The following CA10 variants were observed in gnomAD, a reference collection of about 807,000 sequenced individuals.
CA10 encodes the protein carbonic anhydrase-related protein 10.
CA10 carries 14 observed loss-of-function variants against 44.2 expected under a neutral mutation model. The observed-to-expected ratio is 0.32, with a 90% CI of 0.21 to 0.50. The LOEUF (loss-of-function observed/expected upper bound fraction) is 0.50. Ranked by LOEUF, CA10 falls within the 20% of genes least tolerant of loss-of-function variation. The pLI, the probability that CA10 is intolerant of heterozygous loss-of-function variation, is 0.99. For synonymous variants in CA10, 159 were observed against 141.6 expected (o/e 1.12, Z -0.87); for missense variants, 350 against 409.7 (o/e 0.85, Z 1.26).
chr17:51,676,049 A>G (rs1914618340), intron 4 of CA10, among the ~76,000 whole-genome samples: 2 of 152,228 alleles, frequency 1.3e-5, no homozygotes, highest in South Asian at 4.1e-4. Flanking sequence ...CTTGGCACAA[A>G]TAAGATTGGC....
chr17:51,717,814 T>TATATATACGTGTATACATATATACAC (rs1567815569), intron 4 of CA10, among the ~76,000 whole-genome samples: 5 of 44,096 alleles, frequency 1.1e-4, no homozygotes, highest in African/African-American at 4.0e-4. Flanking sequence ...TATATACACG[T>TATATATACGTGTATACATATATACAC]ATATATATGT....
chr17:51,976,202 C>G (rs532297254), intron 2 of CA10, among the ~76,000 whole-genome samples: 1 of 152,088 alleles, frequency 6.6e-6, no homozygotes, highest in East Asian at 1.9e-4. Flanking sequence ...TGTTCACAAT[C>G]GTAGTTAAAA....
chr17:51,756,999 T>C (rs1373730353), intron 3 of CA10, among the ~76,000 whole-genome samples: 3 of 152,140 alleles, frequency 2.0e-5, no homozygotes, highest in African/African-American at 4.8e-5. Context: ...GCCCAAAATG[T>C]TGGGAGGCCA....
intron 1 of CA10, among the ~76,000 whole-genome samples, chr17:52,098,742 A>G (rs762408198): frequency 2.6e-5 from 4 of 152,174 alleles, no homozygotes; most frequent in Non-Finnish European, 4.4e-5. Context: ...GCCAGTCCAT[A>G]GAGAAGGTAT....
At chr17:52,064,472 A>G (rs946908624) in intron 2 of CA10, among the ~76,000 whole-genome samples, 6 of 152,210 alleles carry the variant, frequency 3.9e-5, no homozygotes, top group African/African-American at 1.4e-4. Flanking sequence ...GCCATCCTGG[A>G]TCAGCAAGTA....
intron 4 of CA10, among the ~76,000 whole-genome samples, chr17:51,667,312 C>A (rs2143334718): frequency 6.6e-6 from 1 of 152,318 alleles, no homozygotes; most frequent in South Asian, 2.1e-4. Context: ...GGGGTCTGAG[C>A]AAGTCTTCAT....
rs543328332 is a variant in CA10, at chr17:52,116,561, C to T, written c.61+41165G>A. On this transcript the variant is annotated intron_variant, in intron 1 of 8. Transcript: ENST00000451037. ...GCACCCTGTCATGGCCACTGGGATT[C>T]GGGAATAAAAAGATGGAAGAAGGAA... Among the ~76,000 whole-genome samples, 16 of 152,146 alleles carry T rather than the reference C, an allele frequency of 1.1e-4. No homozygotes were observed. In the South Asian group the frequency reaches 1.5e-3, roughly 14 times the overall value.
chr17:51,899,897 T>C, intron 3 of CA10, among the ~76,000 whole-genome samples: 1 of 150,508 alleles, frequency 6.6e-6, no homozygotes, highest in Non-Finnish European at 1.5e-5. Flanking sequence ...GGTAGATTTT[T>C]CTACATCCCT....
intron 4 of CA10, among the ~76,000 whole-genome samples, chr17:51,716,256 C>A (rs748830481): frequency 6.6e-6 from 1 of 152,050 alleles, no homozygotes; most frequent in African/African-American, 2.4e-5. Context: ...CAAATGAGAT[C>A]GAGTGATATA....
chr17:51,843,470 A>G (rs1978364996), intron 3 of CA10, among the ~76,000 whole-genome samples: 1 of 152,220 alleles, frequency 6.6e-6, no homozygotes, highest in Admixed American at 6.5e-5. Flanking sequence ...GACCTCTGCT[A>G]CAGGGCAGGT....
chr17:51,708,152 A>G (rs1171280138), intron 4 of CA10, among the ~76,000 whole-genome samples: 1 of 152,192 alleles, frequency 6.6e-6, no homozygotes, highest in Admixed American at 6.5e-5. Flanking sequence ...TGTATTATTT[A>G]AATGCTTCTC....
intron 4 of CA10, among the ~76,000 whole-genome samples, chr17:51,730,569 GA>G (rs1401591750): frequency 6.6e-6 from 1 of 152,128 alleles, no homozygotes; most frequent in African/African-American, 2.4e-5. Flanking sequence ...ATTAAACCCT[GA>G]CCCCAGCTCT....
chr17:51,876,637 C>T (rs1980094250), intron 3 of CA10, among the ~76,000 whole-genome samples: 1 of 151,816 alleles, frequency 6.6e-6, no homozygotes, highest in Non-Finnish European at 1.5e-5. Flanking sequence ...GTTGTGAAAA[C>T]CAAAATGTCT....
chr17:51,908,494 T>C lies in CA10; in HGVS notation c.279+22496A>G, dbSNP rs568902493. Among the ~76,000 whole-genome samples the C allele has an allele frequency of 1.1e-3, 160 of 152,334 alleles. 1 individual carries two copies. The highest frequency in any genetic ancestry group is 1.7e-3 in the Non-Finnish European group (113 of 68,014). ...ATATTAAAGACTAGAATATTTATCATGTTGGCAGTTCCTGCCTGCTAGATT... is the reference window on the plus strand; with the variant it reads ...ATATTAAAGACTAGAATATTTATCACGTTGGCAGTTCCTGCCTGCTAGATT... On this transcript the variant is annotated intron_variant, in intron 3 of 8. Transcript: ENST00000451037.
chr17:52,076,534 C>T (rs1987823721), intron 1 of CA10, among the ~76,000 whole-genome samples: 1 of 152,106 alleles, frequency 6.6e-6, no homozygotes, highest in Non-Finnish European at 1.5e-5. Context: ...TGGAAGAGCC[C>T]ATTTGATGTC....
chr17:51,992,692 T>C (rs1271093178), intron 2 of CA10, among the ~76,000 whole-genome samples: 2 of 152,074 alleles, frequency 1.3e-5, no homozygotes, highest in African/African-American at 4.8e-5. Context: ...ATCACCTGAT[T>C]GTTAGTATCA....
At chr17:51,966,824 T>C (rs1984095963) in intron 2 of CA10, among the ~76,000 whole-genome samples, 1 of 151,184 alleles carries the variant, frequency 6.6e-6, no homozygotes, top group Non-Finnish European at 1.5e-5. Context: ...TATGAATAAG[T>C]CCTTAAAAGC....
At chr17:51,926,148 G>C (rs777303048) in intron 3 of CA10, among the ~76,000 whole-genome samples, 2 of 151,990 alleles carry the variant, frequency 1.3e-5, no homozygotes, top group Non-Finnish European at 2.9e-5. Context: ...AAGAACTATC[G>C]GTAGTTAAGA....
chr17:52,144,338 T>C (rs1989540007), intron 1 of CA10, among the ~76,000 whole-genome samples: 1 of 152,182 alleles, frequency 6.6e-6, no homozygotes, highest in Non-Finnish European at 1.5e-5. Flanking sequence ...TACTAATGTA[T>C]TAAGTGGGAA....
Sources: gnomAD v4.1 joint callset for allele counts (sites outside exome capture counted in the v4.1 genomes callset) on GRCh38, gnomAD v4.1.1 for gene constraint, MANE v1.5 for transcripts, NCBI Gene and HGNC (gene_info 2026-07-23, HGNC 2026-07-21) for gene names.